LRRC4C: variants seen among roughly 807,000 people sequenced by gnomAD.
The protein encoded by LRRC4C is leucine rich repeat containing 4C.
In LRRC4C, 5 loss-of-function variants were observed where a neutral mutation model predicts 33.6. That is an observed-to-expected ratio of 0.15 (90% CI 0.08 to 0.31). The LOEUF is 0.31. Among genes scored for constraint, LRRC4C ranks in the 10% least tolerant of loss-of-function variants. The pLI is 1.00. For synonymous variants in LRRC4C, 329 were observed against 302.0 expected (o/e 1.09, Z -0.93); for missense variants, 560 against 796.7 (o/e 0.70, Z 3.58).
At chr11:41,150,487 C>G (rs1173574673) in intron 1 of LRRC4C, among the ~76,000 whole-genome samples, 1 of 152,032 alleles carries the variant, frequency 6.6e-6, no homozygotes, top group East Asian at 1.9e-4. Flanking sequence ...CTACTGAAAA[C>G]ATAATTTAAA....
chr11:41,004,784 G>GAA (rs141112196), intron 1 of LRRC4C, among the ~76,000 whole-genome samples: 15 of 149,268 alleles, frequency 1.0e-4, no homozygotes, highest in Non-Finnish European at 1.0e-4. Context: ...CTGTGTCACA[G>GAA]AAAAAAAAAA....
intron 3 of LRRC4C, among the ~76,000 whole-genome samples, chr11:40,357,419 G>GA (rs1947721547): frequency 6.6e-6 from 1 of 151,934 alleles, no homozygotes; most frequent in African/African-American, 2.4e-5. Flanking sequence ...TTGTATTGGA[G>GA]AAAAAAGAAT....
At chr11:40,382,684 ATTTTTTTTTTTTTT>A (rs35200000) in intron 3 of LRRC4C, among the ~76,000 whole-genome samples, 1,319 of 65,724 alleles carry the variant, frequency 0.02, 39 homozygotes, top group African/African-American at 0.08. Flanking sequence ...ACTTGTACTC[ATTTTTTTTTTTTTT>A]TTTTTTTTTT....
intron 2 of LRRC4C, among the ~76,000 whole-genome samples, chr11:40,672,278 T>C (rs1410244048): frequency 2.0e-5 from 3 of 152,078 alleles, no homozygotes; most frequent in Non-Finnish European, 4.4e-5. Flanking sequence ...GCCTCTTTTA[T>C]AAAAGAGGCA....
At chr11:40,188,087 TAGAAAAACTCTCACCTGAAGCA>T (rs1861551739) in intron 5 of LRRC4C, among the ~76,000 whole-genome samples, 1 of 152,144 alleles carries the variant, frequency 6.6e-6, no homozygotes, top group Non-Finnish European at 1.5e-5. Context: ...TGAAGGAAGA[TAGAAAAACTCTCACCTGAAGCA>T]TTAAGAAGAC....
At chr11:40,477,896 G>A (rs977037625) in intron 3 of LRRC4C, among the ~76,000 whole-genome samples, 1 of 152,074 alleles carries the variant, frequency 6.6e-6, no homozygotes, top group South Asian at 2.1e-4. Context: ...GACCCAGTGA[G>A]AGATAACTGA....
intron 2 of LRRC4C, among the ~76,000 whole-genome samples, chr11:40,649,929 T>C (rs1340803549): frequency 2.0e-5 from 3 of 152,222 alleles, no homozygotes; most frequent in Non-Finnish European, 4.4e-5. Context: ...GGAAGTTAGA[T>C]AATAAGTCCA....
intron 2 of LRRC4C, among the ~76,000 whole-genome samples, chr11:40,764,532 G>A (rs903838490): frequency 1.3e-5 from 2 of 152,156 alleles, no homozygotes; most frequent in African/African-American, 2.4e-5. Context: ...TGGCTGGGGA[G>A]AGAGCTTACC....
chr11:41,038,822 C>T (rs1857249447), intron 1 of LRRC4C, among the ~76,000 whole-genome samples: 1 of 152,048 alleles, frequency 6.6e-6, no homozygotes, highest in Non-Finnish European at 1.5e-5. Flanking sequence ...CATACTAACC[C>T]CAAATATGGC....
At chr11:40,842,259 T>G (rs1952946356) in intron 2 of LRRC4C, among the ~76,000 whole-genome samples, 1 of 152,162 alleles carries the variant, frequency 6.6e-6, no homozygotes, top group Non-Finnish European at 1.5e-5. Context: ...CTCAGCCCCA[T>G]GCAGCTTCTG....
At chr11:40,264,913 A>C (rs1262488268) in intron 4 of LRRC4C, among the ~76,000 whole-genome samples, 1 of 152,226 alleles carries the variant, frequency 6.6e-6, no homozygotes. Flanking sequence ...CTATTAGGCT[A>C]CTTCAGGAAA....
intron 3 of LRRC4C, among the ~76,000 whole-genome samples, chr11:40,329,212 G>A (rs1201072727): frequency 6.6e-6 from 1 of 152,188 alleles, no homozygotes; most frequent in East Asian, 1.9e-4. Context: ...AAAGAGCTGG[G>A]TGCAACATTA....
chr11:40,287,832 A>G (rs1388534829), intron 4 of LRRC4C, among the ~76,000 whole-genome samples: 2 of 152,286 alleles, frequency 1.3e-5, no homozygotes, highest in South Asian at 2.1e-4. Flanking sequence ...GCACTTCTAT[A>G]TATGTTTTAA....
intron 1 of LRRC4C, among the ~76,000 whole-genome samples, chr11:41,312,758 G>A (rs1286657829): frequency 6.6e-6 from 1 of 152,206 alleles, no homozygotes; most frequent in Non-Finnish European, 1.5e-5. Context: ...CTCTCCCAAA[G>A]TTGGGATGGG....
intron 5 of LRRC4C, among the ~76,000 whole-genome samples, chr11:40,207,101 G>A (rs12575363): frequency 0.46 from 70,227 of 151,958 alleles, 17,513 homozygotes; most frequent in East Asian, 0.62. Context: ...CAATATTCAC[G>A]AACTCATTAC....
chr11:40,833,591 T>C (rs913245809), intron 2 of LRRC4C, among the ~76,000 whole-genome samples: 1 of 152,106 alleles, frequency 6.6e-6, no homozygotes, highest in Non-Finnish European at 1.5e-5. Context: ...ACTACTGGTT[T>C]CCATATCCAT....
intron 1 of LRRC4C, among the ~76,000 whole-genome samples, chr11:41,316,270 A>AAAAC (rs1555145052): frequency 1.3e-5 from 2 of 150,144 alleles, no homozygotes; most frequent in African/African-American, 4.9e-5. Context: ...GGCAAAAAAA[A>AAAAC]AAAAAAAAAC....
chr11:41,143,787 T>C (rs1943614557), intron 1 of LRRC4C, among the ~76,000 whole-genome samples: 1 of 152,146 alleles, frequency 6.6e-6, no homozygotes, highest in African/African-American at 2.4e-5. Context: ...GTGTTTCAAA[T>C]GAGCAGCTAA....
intron 3 of LRRC4C, among the ~76,000 whole-genome samples, chr11:40,423,590 C>T (rs1315090803): frequency 6.6e-6 from 1 of 151,802 alleles, no homozygotes; most frequent in African/African-American, 2.4e-5. Flanking sequence ...GTGATCCGCC[C>T]GCCTCGGCCT....
Sources: allele counts gnomAD v4.1 joint callset (sites outside exome capture counted in the v4.1 genomes callset), GRCh38; gene constraint gnomAD v4.1.1; transcripts MANE v1.5; gene names NCBI Gene and HGNC (gene_info 2026-07-23, HGNC 2026-07-21).